FHIT: variants seen among roughly 807,000 people sequenced by gnomAD.
FHIT encodes the protein fragile histidine triad diadenosine triphosphatase.
FHIT carries 19 observed loss-of-function variants against 17.9 expected under a neutral mutation model. The observed-to-expected ratio is 1.06, with a 90% CI of 0.74 to 1.56. FHIT has a LOEUF of 1.56. Ranked by LOEUF, FHIT falls within the 40% of genes most tolerant of loss-of-function variation. The pLI is 0.00. For missense variants in FHIT, 248 were observed against 189.2 expected (o/e 1.31, Z -1.82); for synonymous variants, 81 against 69.7 (o/e 1.16, Z -0.81).
At chr3:61,002,657 T>C (rs2031175030) in intron 3 of FHIT, among the ~76,000 whole-genome samples, 1 of 152,130 alleles carries the variant, frequency 6.6e-6, no homozygotes, top group African/African-American at 2.4e-5. Flanking sequence ...ACTCACTACT[T>C]CTATGACAAA....
intron 5 of FHIT, among the ~76,000 whole-genome samples, chr3:60,173,915 A>ATATTTTTTTTTTTTTTT: frequency 1.5e-5 from 1 of 66,444 alleles, no homozygotes; most frequent in South Asian, 4.6e-4. Flanking sequence ...ATATATATAT[A>ATATTTTTTTTTTTTTTT]TGTTTTTTTT....
chr3:61,047,522 G>C (rs1005676951), intron 2 of FHIT, among the ~76,000 whole-genome samples: 5 of 152,174 alleles, frequency 3.3e-5, no homozygotes, highest in African/African-American at 1.2e-4. Context: ...CTCATGGATA[G>C]GAAGAATCAA....
chr3:60,149,695 T>C (rs996271594), intron 5 of FHIT, among the ~76,000 whole-genome samples: 1 of 151,920 alleles, frequency 6.6e-6, no homozygotes, highest in Non-Finnish European at 1.5e-5. Context: ...TCTCAGTCTA[T>C]AAGGTCGCAG....
intron 5 of FHIT, among the ~76,000 whole-genome samples, chr3:60,478,591 G>A (rs1472276336): frequency 6.6e-6 from 1 of 152,158 alleles, no homozygotes; most frequent in Non-Finnish European, 1.5e-5. Flanking sequence ...TGATGATGAT[G>A]ATGACAGCTT....
At chr3:60,111,971 A>C (rs1704692635) in intron 5 of FHIT, among the ~76,000 whole-genome samples, 1 of 152,200 alleles carries the variant, frequency 6.6e-6, no homozygotes, top group Non-Finnish European at 1.5e-5. Flanking sequence ...TTAAATGCTT[A>C]CTATTGCAAG....
At chr3:59,893,274 C>A (rs1282479928) in intron 8 of FHIT, among the ~76,000 whole-genome samples, 1 of 152,172 alleles carries the variant, frequency 6.6e-6, no homozygotes, top group African/African-American at 2.4e-5. Context: ...GGTGTTGCAT[C>A]CCAGGCCCCA....
At chr3:60,217,408 T>C (rs1703743742) in intron 5 of FHIT, among the ~76,000 whole-genome samples, 1 of 152,226 alleles carries the variant, frequency 6.6e-6, no homozygotes, top group Non-Finnish European at 1.5e-5. Context: ...TTCCTAAATA[T>C]GTATCATCTC....
chr3:60,681,973 A>ATTT (rs34153115), intron 4 of FHIT, among the ~76,000 whole-genome samples: 35 of 145,132 alleles, frequency 2.4e-4, no homozygotes, highest in African/African-American at 7.8e-4. Flanking sequence ...TAAACAGCAG[A>ATTT]TTTTTTTTTT....
chr3:60,961,921 TG>T (rs782020118), intron 3 of FHIT, among the ~76,000 whole-genome samples: 1 of 152,224 alleles, frequency 6.6e-6, no homozygotes, highest in East Asian at 1.9e-4. Context: ...GGCTCTTTTT[TG>T]CTTCCATGTG....
chr3:60,741,960 G>C (rs2042250347), intron 4 of FHIT, among the ~76,000 whole-genome samples: 1 of 152,170 alleles, frequency 6.6e-6, no homozygotes, highest in Admixed American at 6.6e-5. Context: ...AAGACAGCAG[G>C]TCAGAAGGTT....
intron 8 of FHIT, among the ~76,000 whole-genome samples, chr3:59,812,562 T>G (rs184970561): frequency 6.6e-6 from 1 of 152,334 alleles, no homozygotes; most frequent in Non-Finnish European, 1.5e-5. Context: ...AATGGTTTAT[T>G]ACAGAGGGTC....
rs192149537 is a variant in FHIT at position 60,453,448 on chromosome 3, C to T, written c.103+83412G>A. On this transcript the variant is annotated intron_variant, in intron 5 of 9. Coordinates refer to ENST00000492590, the MANE Select transcript of FHIT (RefSeq NM_002012.4). ...ATTCTTTCCAATGCTCCAATGCCTCCGCCAGGCCAGGCACCAGGCTAGGAT... is the reference window on the plus strand; with the variant it reads ...ATTCTTTCCAATGCTCCAATGCCTCTGCCAGGCCAGGCACCAGGCTAGGAT... Among the ~76,000 whole-genome samples, 405 of 152,262 alleles carry T rather than the reference C, an allele frequency of 2.7e-3. 2 individuals are homozygous for T. Among genetic ancestry groups the T allele is most frequent in the African/African-American group, 8.7e-3 (361 of 41,548 alleles).
intron 5 of FHIT, among the ~76,000 whole-genome samples, chr3:60,433,420 T>C (rs1309346331): frequency 1.3e-5 from 2 of 152,152 alleles, no homozygotes; most frequent in Non-Finnish European, 2.9e-5. Context: ...ATTTTAATTC[T>C]TTAAAATACT....
chr3:60,806,039 T>C (rs1247619041), intron 4 of FHIT, among the ~76,000 whole-genome samples: 5 of 152,184 alleles, frequency 3.3e-5, no homozygotes, highest in African/African-American at 1.2e-4. Flanking sequence ...AACTTAACCA[T>C]AGGAAGTCCA....
intron 5 of FHIT, among the ~76,000 whole-genome samples, chr3:60,228,136 T>C (rs1704304853): frequency 6.6e-6 from 1 of 152,186 alleles, no homozygotes; most frequent in Non-Finnish European, 1.5e-5. Flanking sequence ...TTTTAATTTT[T>C]GAACTCCCAC....
intron 3 of FHIT, among the ~76,000 whole-genome samples, chr3:60,836,690 G>A (rs1198711076): frequency 6.6e-6 from 1 of 152,148 alleles, no homozygotes; most frequent in African/African-American, 2.4e-5. Context: ...CAGTTAACAA[G>A]AGTGAGGTCT....
chr3:60,153,986 T>C (rs1261960953), intron 5 of FHIT, among the ~76,000 whole-genome samples: 2 of 152,214 alleles, frequency 1.3e-5, no homozygotes, highest in Admixed American at 6.5e-5. Context: ...AAAGTTATGA[T>C]TGACTATAAG....
At chr3:60,590,186 C>A (rs2038038944) in intron 4 of FHIT, among the ~76,000 whole-genome samples, 1 of 152,020 alleles carries the variant, frequency 6.6e-6, no homozygotes, top group African/African-American at 2.4e-5. Flanking sequence ...TTGCTCAAGT[C>A]TGCAAGAAGG....
chr3:59,989,538 C>G (rs1443165725), intron 7 of FHIT, among the ~76,000 whole-genome samples: 3 of 152,038 alleles, frequency 2.0e-5, no homozygotes, highest in African/African-American at 7.2e-5. Context: ...TCTCTGAGGG[C>G]TGGGCATGTT....
Sources: allele counts gnomAD v4.1 joint callset (sites outside exome capture counted in the v4.1 genomes callset), GRCh38; gene constraint gnomAD v4.1.1; transcripts MANE v1.5; gene names NCBI Gene and HGNC (gene_info 2026-07-23, HGNC 2026-07-21).